The following ZBTB7C variants were observed in gnomAD, a reference collection of about 807,000 sequenced individuals.
ZBTB7C encodes zinc finger and BTB domain containing 7C, also known as zinc finger and BTB domain-containing protein 7C.
ZBTB7C carries 8 observed loss-of-function variants against 25.7 expected under a neutral mutation model. That is an observed-to-expected ratio of 0.31 (90% CI 0.18 to 0.56). The LOEUF (loss-of-function observed/expected upper bound fraction) is 0.56. Ranked by LOEUF, ZBTB7C falls within the 20% of genes least tolerant of loss-of-function variation. The pLI is 0.91. For missense variants in ZBTB7C, 824 were observed against 855.2 expected (o/e 0.96, Z 0.46); for synonymous variants, 394 against 369.0 (o/e 1.07, Z -0.78).
intron 2 of ZBTB7C, among the ~76,000 whole-genome samples, chr18:48,329,669 T>C (rs1201180039): frequency 2.6e-5 from 4 of 152,182 alleles, no homozygotes; most frequent in Non-Finnish European, 5.9e-5. Flanking sequence ...TCTTTAGTGT[T>C]TGACTCTTTG....
At chr18:48,272,166 T>C (rs368452046) in intron 2 of ZBTB7C, among the ~76,000 whole-genome samples, 1 of 152,202 alleles carries the variant, frequency 6.6e-6, no homozygotes, top group African/African-American at 2.4e-5. Flanking sequence ...TGCTTCCAGA[T>C]GAGATTAACA....
intron 3 of ZBTB7C, among the ~76,000 whole-genome samples, chr18:48,061,190 C>T (rs1307683102): frequency 6.6e-6 from 1 of 152,182 alleles, no homozygotes; most frequent in Non-Finnish European, 1.5e-5. Flanking sequence ...AATGTGTACA[C>T]AGATGCAAAG....
chr18:48,160,219 A>G (rs984576499), intron 3 of ZBTB7C, among the ~76,000 whole-genome samples: 1 of 152,136 alleles, frequency 6.6e-6, no homozygotes, highest in Admixed American at 6.5e-5. Flanking sequence ...AGTGACAAGG[A>G]GCTAGAATCC....
At chr18:48,106,784 A>G (rs1247497666) in intron 3 of ZBTB7C, among the ~76,000 whole-genome samples, 2 of 147,948 alleles carry the variant, frequency 1.4e-5, no homozygotes, top group Non-Finnish European at 3.0e-5. Flanking sequence ...TTGCAATAAA[A>G]CCATCTTAGC....
chr18:48,107,356 G>T (rs1461661736), intron 3 of ZBTB7C, among the ~76,000 whole-genome samples: 1 of 151,486 alleles, frequency 6.6e-6, no homozygotes, highest in South Asian at 2.1e-4. Context: ...AAAAAGCAGG[G>T]TCCAGAAGGA....
At chr18:48,202,704 C>T (rs2042483299) in intron 2 of ZBTB7C, among the ~76,000 whole-genome samples, 1 of 151,994 alleles carries the variant, frequency 6.6e-6, no homozygotes. Flanking sequence ...GCACGCAGGC[C>T]ATGGGAGGAC....
intron 3 of ZBTB7C, among the ~76,000 whole-genome samples, chr18:48,057,941 G>A (rs778090897): frequency 2.6e-5 from 4 of 152,164 alleles, no homozygotes; most frequent in Non-Finnish European, 5.9e-5. Context: ...TCTACTGCAC[G>A]GTAATGTCCC....
At chr18:48,167,387 T>C (rs1333713613) in intron 3 of ZBTB7C, among the ~76,000 whole-genome samples, 1 of 152,156 alleles carries the variant, frequency 6.6e-6, no homozygotes, top group Non-Finnish European at 1.5e-5. Context: ...CTCCCATCTC[T>C]TGCTTTTTCT....
chr18:48,304,341 C>T (rs72909628), intron 2 of ZBTB7C, among the ~76,000 whole-genome samples: 20,268 of 152,220 alleles, frequency 0.13, 1,646 homozygotes, highest in Non-Finnish European at 0.19. Flanking sequence ...CCTAGGAAGG[C>T]GTTCCTCACA....
At chr18:48,056,289 GA>G (rs1161513421) in intron 3 of ZBTB7C, among the ~76,000 whole-genome samples, 3 of 152,210 alleles carry the variant, frequency 2.0e-5, no homozygotes, top group African/African-American at 7.2e-5. Flanking sequence ...ATACCATAAA[GA>G]TGCCAATTTC....
chr18:48,355,162 A>G (rs2046948930), intron 1 of ZBTB7C, among the ~76,000 whole-genome samples: 1 of 152,192 alleles, frequency 6.6e-6, no homozygotes, highest in African/African-American at 2.4e-5. Context: ...TCTCTGGTTT[A>G]TAACATGAGC....
chr18:48,285,701 G>A (rs750528878), intron 2 of ZBTB7C, among the ~76,000 whole-genome samples: 2 of 152,096 alleles, frequency 1.3e-5, no homozygotes, highest in South Asian at 2.1e-4. Context: ...TCTTACAAAC[G>A]GCATATACCT....
chr18:48,084,197 G>A (rs1203959033), intron 3 of ZBTB7C, among the ~76,000 whole-genome samples: 3 of 152,150 alleles, frequency 2.0e-5, no homozygotes, highest in African/African-American at 7.2e-5. Flanking sequence ...CTCAGGGAAG[G>A]TTCAGCCTTC....
intron 3 of ZBTB7C, chr18:48,165,031 A>G (rs1377025796): frequency 3.3e-6 from 4 of 1,222,980 alleles, no homozygotes; most frequent in East Asian, 5.9e-5. Flanking sequence ...AAACAATTCT[A>G]TACATCCTGT....
intron 2 of ZBTB7C, among the ~76,000 whole-genome samples, chr18:48,313,724 C>T (rs2045877460): frequency 6.6e-6 from 1 of 152,166 alleles, no homozygotes; most frequent in South Asian, 2.1e-4. Context: ...ATACAGATGT[C>T]ATCCCGCTTG....
intron 3 of ZBTB7C, among the ~76,000 whole-genome samples, chr18:48,144,288 A>AAAT (rs1176647154): frequency 6.8e-6 from 1 of 147,700 alleles, no homozygotes; most frequent in Non-Finnish European, 1.5e-5. Context: ...CAAAAAAAAA[A>AAAT]ATTTTTTTTT....
chr18:48,266,579 A>T (rs1306163148), intron 2 of ZBTB7C, among the ~76,000 whole-genome samples: 1 of 152,214 alleles, frequency 6.6e-6, no homozygotes, highest in Admixed American at 6.5e-5. Context: ...ATCATTGTAA[A>T]AGAAATCTCA....
Position 48,245,999 on chromosome 18 carries a change from G to C in ZBTB7C, c.-78-60004C>G, listed in dbSNP as rs575348056. On this transcript the variant is annotated intron_variant, in intron 2 of 4. Coordinates refer to ENST00000590800, the MANE Select transcript of ZBTB7C (RefSeq NM_001318841.2). Reference sequence around the variant, plus strand: ...TGCCTAAATGGAATCATATAGCTCAGGTGTAACTGAAGTACATTTTCACTA... The same window carrying C: ...TGCCTAAATGGAATCATATAGCTCACGTGTAACTGAAGTACATTTTCACTA... 6.0e-4 allele frequency among the ~76,000 whole-genome samples: 92 copies of C among 152,198 alleles called. 1 individual carries two copies. The highest frequency in any genetic ancestry group is 2.1e-3 in the African/African-American group (87 of 41,536).
At chr18:48,164,897 ATTG>A (rs976167864) in intron 3 of ZBTB7C, among the ~76,000 whole-genome samples, 9 of 152,094 alleles carry the variant, frequency 5.9e-5, no homozygotes, top group African/African-American at 1.7e-4. Flanking sequence ...CCAAGTTGGG[ATTG>A]TTGTTGTCCT....
Sources: gnomAD v4.1 joint callset for allele counts (sites outside exome capture counted in the v4.1 genomes callset) on GRCh38, gnomAD v4.1.1 for gene constraint, MANE v1.5 for transcripts, NCBI Gene and HGNC (gene_info 2026-07-23, HGNC 2026-07-21) for gene names.